The following CAST variants were observed in gnomAD, a reference collection of about 807,000 sequenced individuals.
CAST encodes the protein calpastatin, also known as MIR583 host.
A neutral mutation model predicts 119.6 loss-of-function variants in CAST; 76 were observed. The ratio of observed to expected loss-of-function variants is 0.64; its 90% CI spans 0.53 to 0.77. The LOEUF is 0.77. CAST is among the 30% of genes least tolerant of loss of function. The probability of loss-of-function intolerance (pLI) is 0.00; values close to 1 mark genes in which losing one functional copy is unlikely to be tolerated. For missense variants in CAST, 953 were observed against 946.5 expected (o/e 1.01, Z -0.09); for synonymous variants, 319 against 331.6 (o/e 0.96, Z 0.41).
At chr5:96,108,421 T>C in the CAST span, among the ~76,000 whole-genome samples, 12 of 152,186 alleles carry the variant, frequency 7.9e-5, no homozygotes, top group African/African-American at 2.4e-5. Context: ...GTCCTTTCTG[T>C]TTGTTAGTTT....
chr5:96,303,535 C>T, the CAST span, among the ~76,000 whole-genome samples: 7 of 152,078 alleles, frequency 4.6e-5, no homozygotes, highest in African/African-American at 7.2e-5. Context: ...TAGGTATACA[C>T]GTACCATGGT....
At chr5:96,663,200 G>A (rs1580872561) in intron 1 of CAST, 1 of 702,696 alleles carries the variant, frequency 1.4e-6, no homozygotes, top group Non-Finnish European at 2.6e-6. Flanking sequence ...GGCAGGACCC[G>A]GAAGGGAGTG....
chr5:96,465,926 T>C, the CAST span, among the ~76,000 whole-genome samples: 1 of 152,114 alleles, frequency 6.6e-6, no homozygotes, highest in Non-Finnish European at 1.5e-5. Context: ...CATCTGTGTG[T>C]GTATATCCGT....
chr5:96,683,681 G>A (rs1175798977), intron 2 of CAST, among the ~76,000 whole-genome samples: 1 of 152,132 alleles, frequency 6.6e-6, no homozygotes, highest in Non-Finnish European at 1.5e-5. Context: ...TCTTCATAAT[G>A]TTGGTCACTG....
At chr5:96,514,491 C>T in the CAST span, among the ~76,000 whole-genome samples, 1 of 152,126 alleles carries the variant, frequency 6.6e-6, no homozygotes, top group Non-Finnish European at 1.5e-5. Context: ...ATCCAAATAT[C>T]TGGAAGGGTA....
At chr5:96,115,506 GCACAGA>G in the CAST span, among the ~76,000 whole-genome samples, 1 of 152,178 alleles carries the variant, frequency 6.6e-6, no homozygotes, top group African/African-American at 2.4e-5. Context: ...GGAAGCTGAA[GCACAGA>G]TAAGTAACTT....
At chr5:96,119,598 A>G in the CAST span, among the ~76,000 whole-genome samples, 3 of 152,166 alleles carry the variant, frequency 2.0e-5, no homozygotes, top group Admixed American at 1.3e-4. Flanking sequence ...ATGTTTTCAC[A>G]TATATATTTT....
At chr5:96,485,686 T>C in the CAST span, among the ~76,000 whole-genome samples, 3 of 152,144 alleles carry the variant, frequency 2.0e-5, no homozygotes, top group African/African-American at 7.2e-5. Context: ...GTAATAGTCA[T>C]ATCAGCTGTT....
the CAST span, among the ~76,000 whole-genome samples, chr5:96,191,234 A>T: frequency 5.9e-5 from 9 of 152,232 alleles, no homozygotes; most frequent in Non-Finnish European, 1.3e-4. Context: ...ACTGTAAGAA[A>T]TAGTACCTTC....
the CAST span, among the ~76,000 whole-genome samples, chr5:96,202,365 T>C: frequency 6.6e-6 from 1 of 152,050 alleles, no homozygotes; most frequent in South Asian, 2.1e-4. Flanking sequence ...ACAATGAATA[T>C]TTTTTCCAGT....
the CAST span, among the ~76,000 whole-genome samples, chr5:96,449,608 T>C: frequency 6.6e-6 from 1 of 152,260 alleles, no homozygotes; most frequent in Non-Finnish European, 1.5e-5. Flanking sequence ...TGCTTTTTTC[T>C]TCTTAAATAC....
At chr5:96,468,868 C>T in the CAST span, among the ~76,000 whole-genome samples, 2 of 152,032 alleles carry the variant, frequency 1.3e-5, no homozygotes, top group South Asian at 2.1e-4. Flanking sequence ...TGGCCTTCCA[C>T]AGCTAGTTGG....
chr5:96,580,959 A>G (rs150667591), intron 1 of CAST, among the ~76,000 whole-genome samples: 1 of 152,364 alleles, frequency 6.6e-6, no homozygotes, highest in East Asian at 1.9e-4. Flanking sequence ...ATGTGAGGAC[A>G]CAATGAGAAG....
chr5:96,329,087 T>C, the CAST span, among the ~76,000 whole-genome samples: 1 of 152,244 alleles, frequency 6.6e-6, no homozygotes, highest in Non-Finnish European at 1.5e-5. Context: ...AGCTTATTAT[T>C]ATTACTATCT....
At chr5:96,157,907 A>T in the CAST span, among the ~76,000 whole-genome samples, 1 of 152,336 alleles carries the variant, frequency 6.6e-6, no homozygotes, top group Admixed American at 6.5e-5. Context: ...GGTAATAAAC[A>T]TTCGTCTGAA....
the CAST span, among the ~76,000 whole-genome samples, chr5:96,451,570 G>C: frequency 6.6e-6 from 1 of 152,148 alleles, no homozygotes; most frequent in Non-Finnish European, 1.5e-5. Context: ...TACCATTCAG[G>C]ACATAGGCAT....
At chr5:96,583,926 C>T (rs1483838470) in intron 1 of CAST, among the ~76,000 whole-genome samples, 1 of 152,160 alleles carries the variant, frequency 6.6e-6, no homozygotes, top group Non-Finnish European at 1.5e-5. Flanking sequence ...CTTTTGACTC[C>T]AAGTCCAGTA....
chr5:96,640,769 G>A (rs1302449862), intron 1 of CAST, among the ~76,000 whole-genome samples: 1 of 152,212 alleles, frequency 6.6e-6, no homozygotes, highest in Admixed American at 6.5e-5. Flanking sequence ...TAGTCACTGG[G>A]TATGCTTGAT....
At chr5:96,434,622 G>A in the CAST span, among the ~76,000 whole-genome samples, 278 of 109,166 alleles carry the variant, frequency 2.5e-3, 1 homozygote, top group South Asian at 8.9e-3. Context: ...TTTTTTTGTT[G>A]TTGTTGTTGT....
Sources: gnomAD v4.1 joint callset for allele counts (sites outside exome capture counted in the v4.1 genomes callset) on GRCh38, gnomAD v4.1.1 for gene constraint, MANE v1.5 for transcripts, NCBI Gene and HGNC (gene_info 2026-07-23, HGNC 2026-07-21) for gene names.